The following FRMPD4 variants were observed in gnomAD, a reference collection of about 807,000 sequenced individuals.
FRMPD4 encodes the protein FERM and PDZ domain containing 4, also known as FERM and PDZ domain-containing protein 4.
FRMPD4 carries 22 observed loss-of-function variants against 94.1 expected under a neutral mutation model. That is an observed-to-expected ratio of 0.23 (90% CI 0.17 to 0.33). FRMPD4 has a LOEUF of 0.33. Among genes scored for constraint, FRMPD4 ranks in the 10% least tolerant of loss-of-function variants. The pLI, the probability that FRMPD4 is intolerant of heterozygous loss-of-function variation, is 1.00. For missense variants in FRMPD4, 1,111 were observed against 1,339.9 expected, an observed-to-expected ratio of 0.83 and a Z score of 2.67; for synonymous variants, 631 against 548.6, an observed-to-expected ratio of 1.15 and a Z score of -2.10.
At chrX:12,231,014 A>G (rs1282214071) in intron 1 of FRMPD4, among the ~76,000 whole-genome samples, 12 of 55,812 alleles carry the variant, frequency 2.2e-4, no homozygotes, top group African/African-American at 5.5e-4. Flanking sequence ...TATATAGTAT[A>G]TATAGTATAT....
chrX:12,658,439 T>C (rs141380670), intron 4 of FRMPD4, among the ~76,000 whole-genome samples: 257 of 111,907 alleles, frequency 2.3e-3, no homozygotes, highest in African/African-American at 7.5e-3. Context: ...GAGAATAAAA[T>C]AGTGATCCTG....
chrX:11,912,533 G>T (rs756386773), intron 3 of FRMPD4, among the ~76,000 whole-genome samples: 2 of 111,709 alleles, frequency 1.8e-5, no homozygotes, highest in South Asian at 3.8e-4. Context: ...TGAATCTGCT[G>T]GCCTGATAAG....
chrX:12,412,931 C>T (rs1285892972), intron 1 of FRMPD4, among the ~76,000 whole-genome samples: 2 of 111,161 alleles, frequency 1.8e-5, no homozygotes, highest in African/African-American at 3.3e-5. Context: ...ATAGCATTGG[C>T]CAATGCCTCC....
intron 1 of FRMPD4, among the ~76,000 whole-genome samples, chrX:12,437,331 TACACACACACACAAAC>T (rs1194204246): frequency 6.3e-5 from 7 of 111,427 alleles, no homozygotes; most frequent in African/African-American, 2.3e-4. Context: ...TCCAATTTAT[TACACACACACACAAAC>T]ACACACACAC....
intron 2 of FRMPD4, chrX:12,583,381 C>A: frequency 2.0e-6 from 2 of 976,180 alleles, no homozygotes; most frequent in South Asian, 2.0e-5. Context: ...GACGGCCGGT[C>A]CAGGGAAGCT....
chrX:11,950,919 TGTG>T (rs2054218730), intron 3 of FRMPD4, among the ~76,000 whole-genome samples: 2 of 109,413 alleles, frequency 1.8e-5, no homozygotes, highest in Non-Finnish European at 3.8e-5. Context: ...ATTAGCCAGA[TGTG>T]GTGGCACACA....
intron 1 of FRMPD4, among the ~76,000 whole-genome samples, chrX:12,151,597 G>T: frequency 8.9e-6 from 1 of 111,785 alleles, no homozygotes; most frequent in Non-Finnish European, 1.9e-5. Flanking sequence ...TATTTAAAAA[G>T]ATATATAAAT....
At chrX:12,033,289 G>A (rs963577449) in intron 3 of FRMPD4, among the ~76,000 whole-genome samples, 13 of 111,809 alleles carry the variant, frequency 1.2e-4, no homozygotes, top group African/African-American at 4.2e-4. Context: ...GAAAATAGTA[G>A]AGTGATCAAG....
At chrX:12,492,919 G>C (rs754424003) in intron 1 of FRMPD4, among the ~76,000 whole-genome samples, 3 of 111,655 alleles carry the variant, frequency 2.7e-5, no homozygotes, top group East Asian at 5.7e-4. Flanking sequence ...GGACCTATGT[G>C]TGTCTACAGC....
At chrX:12,168,367 G>GA (rs36104662) in intron 1 of FRMPD4, among the ~76,000 whole-genome samples, 26,781 of 86,223 alleles carry the variant, frequency 0.31, 3,266 homozygotes, top group Non-Finnish European at 0.4. Context: ...GCCAGATTGG[G>GA]AAAAAAAAAA....
intron 2 of FRMPD4, among the ~76,000 whole-genome samples, chrX:12,507,916 A>C (rs2058001886): frequency 9.0e-6 from 1 of 111,630 alleles, no homozygotes; most frequent in Non-Finnish European, 1.9e-5. Context: ...CTGCTCTCCC[A>C]CTCTAACCAG....
intron 1 of FRMPD4, among the ~76,000 whole-genome samples, chrX:12,192,601 A>G (rs1197635434): frequency 9.0e-6 from 1 of 111,415 alleles, no homozygotes; most frequent in East Asian, 2.8e-4. Flanking sequence ...CTGCTTCCCT[A>G]CCTCTACAGA....
chrX:11,957,573 T>C (rs1450021022), intron 3 of FRMPD4, among the ~76,000 whole-genome samples: 1 of 103,111 alleles, frequency 9.7e-6, no homozygotes, highest in Non-Finnish European at 2.0e-5. Flanking sequence ...AATGAACCAC[T>C]GATTTATATG....
intron 1 of FRMPD4, among the ~76,000 whole-genome samples, chrX:11,848,995 T>C (rs1413249119): frequency 9.0e-6 from 1 of 111,221 alleles, no homozygotes. Context: ...TATATCCAAA[T>C]TGGAAGACAA....
intron 1 of FRMPD4, among the ~76,000 whole-genome samples, chrX:11,849,368 C>G (rs757677637): frequency 2.7e-5 from 3 of 111,513 alleles, no homozygotes; most frequent in East Asian, 2.8e-4. Context: ...CAGATTTAAT[C>G]CAAGCCCTAT....
At chrX:12,662,353 C>T (rs2059723474) in intron 4 of FRMPD4, among the ~76,000 whole-genome samples, 1 of 109,569 alleles carries the variant, frequency 9.1e-6, no homozygotes, top group South Asian at 4.0e-4. Flanking sequence ...CCTCCCCTAG[C>T]CCCCCACCCC....
intron 4 of FRMPD4, among the ~76,000 whole-genome samples, chrX:12,625,403 G>T (rs1047275428): frequency 1.8e-5 from 2 of 111,509 alleles, no homozygotes; most frequent in African/African-American, 6.5e-5. Flanking sequence ...TTCATCAATG[G>T]ATGAATGGAT....
intron 3 of FRMPD4, among the ~76,000 whole-genome samples, chrX:11,893,624 C>T (rs1021383207): frequency 7.1e-5 from 8 of 111,959 alleles, no homozygotes; most frequent in African/African-American, 2.6e-4. Context: ...GCTAACTAAA[C>T]TTTTATGGCT....
chrX:12,639,189 A>G (rs2059470926), intron 4 of FRMPD4, among the ~76,000 whole-genome samples: 1 of 111,762 alleles, frequency 8.9e-6, no homozygotes, highest in Admixed American at 9.5e-5. Flanking sequence ...TCTCTTTTTT[A>G]TGGGAGAACT....
Sources: allele counts gnomAD v4.1 joint callset (sites outside exome capture counted in the v4.1 genomes callset), GRCh38; gene constraint gnomAD v4.1.1; transcripts MANE v1.5; gene names NCBI Gene and HGNC (gene_info 2026-07-23, HGNC 2026-07-21).